Variants in CADM1 observed in about 807,000 individuals in gnomAD.
CADM1 encodes cell adhesion molecule 1, also known as TSLC-1.
Under a neutral mutation model 53.1 loss-of-function variants are expected in CADM1, and 15 were observed. The observed-to-expected ratio is 0.28, with a 90% CI of 0.19 to 0.44. The LOEUF (loss-of-function observed/expected upper bound fraction) is 0.44, where lower values mean the gene tolerates loss of function less well. Ranked by LOEUF, CADM1 falls within the 20% of genes least tolerant of loss-of-function variation. CADM1 has a pLI of 1.00. For missense variants in CADM1, 434 were observed against 611.3 expected (o/e 0.71, Z 3.06); for synonymous variants, 281 against 243.0 (o/e 1.16, Z -1.45).
intron 9 of CADM1, among the ~76,000 whole-genome samples, chr11:115,191,804 G>A (rs1395753249): frequency 6.6e-6 from 1 of 152,176 alleles, no homozygotes; most frequent in Non-Finnish European, 1.5e-5. Flanking sequence ...GGCTTTACTT[G>A]TTCTTTGCTG....
intron 1 of CADM1, among the ~76,000 whole-genome samples, chr11:115,409,653 C>T (rs942723686): frequency 1.3e-5 from 2 of 151,662 alleles, no homozygotes; most frequent in Admixed American, 1.3e-4. Context: ...AAATAATCCA[C>T]GGAGAATGCA....
intron 1 of CADM1, among the ~76,000 whole-genome samples, chr11:115,500,342 C>A (rs1565457443): frequency 6.6e-6 from 1 of 152,168 alleles, no homozygotes; most frequent in Non-Finnish European, 1.5e-5. Context: ...AATGTAAATT[C>A]TAAGTGACCA....
intron 1 of CADM1, among the ~76,000 whole-genome samples, chr11:115,474,054 C>T (rs1021440429): frequency 2.0e-5 from 3 of 151,572 alleles, no homozygotes; most frequent in Admixed American, 6.6e-5. Context: ...CAGCACTTTG[C>T]GAGGCCGAGG....
intron 1 of CADM1, among the ~76,000 whole-genome samples, chr11:115,328,692 GTATATATATGTA>G (rs1431990266): frequency 0.013 from 235 of 17,512 alleles, 27 homozygotes; most frequent in African/African-American, 0.059. Flanking sequence ...ATATATATGT[GTATATATATGTA>G]TATATATATG....
intron 1 of CADM1, among the ~76,000 whole-genome samples, chr11:115,326,757 G>T (rs1944969779): frequency 6.6e-6 from 1 of 152,094 alleles, no homozygotes. Flanking sequence ...ACATATTAGA[G>T]CTTGGCAACC....
chr11:115,412,393 G>A (rs1463700617), intron 1 of CADM1, among the ~76,000 whole-genome samples: 1 of 152,084 alleles, frequency 6.6e-6, no homozygotes, highest in Non-Finnish European at 1.5e-5. Flanking sequence ...ATAGGATCTT[G>A]CTATGTTGCC....
At chr11:115,249,600 A>G (rs1369028206) in intron 1 of CADM1, among the ~76,000 whole-genome samples, 1 of 152,248 alleles carries the variant, frequency 6.6e-6, no homozygotes, top group Non-Finnish European at 1.5e-5. Context: ...AAAACCACAA[A>G]GGAAGATACA....
intron 1 of CADM1, among the ~76,000 whole-genome samples, chr11:115,280,020 C>T (rs1242575187): frequency 6.6e-6 from 1 of 152,196 alleles, no homozygotes; most frequent in Admixed American, 6.5e-5. Flanking sequence ...GCAATGCATG[C>T]TAACATCAAG....
chr11:115,176,384 C>A lies in CADM1; in HGVS notation c.*90G>T, dbSNP rs1939030097. On this transcript the variant is annotated 3_prime_UTR_variant, in exon 12 of 12. Transcript: ENST00000331581. Reference sequence around the variant, plus strand: ...ACCTTTCCACCCATTCATAAAAAAACACACGAATTTCTCGCAAGTTCCAAT... The same window carrying A: ...ACCTTTCCACCCATTCATAAAAAAAAACACGAATTTCTCGCAAGTTCCAAT... 5.1e-6 allele frequency: 8 copies of A among 1,581,416 alleles called. No individual in the cohort carries two copies. The highest frequency in any genetic ancestry group is 6.0e-6 in the Non-Finnish European group (7 of 1,159,646).
At chr11:115,203,165 C>T (rs1364225645) in intron 8 of CADM1, among the ~76,000 whole-genome samples, 1 of 151,838 alleles carries the variant, frequency 6.6e-6, no homozygotes, top group Non-Finnish European at 1.5e-5. Flanking sequence ...TTTGGATAAG[C>T]AATTTCAAGT....
intron 1 of CADM1, among the ~76,000 whole-genome samples, chr11:115,299,196 C>G (rs1434323651): frequency 6.6e-5 from 10 of 152,162 alleles, no homozygotes; most frequent in African/African-American, 2.4e-4. Context: ...TGGGCATAGA[C>G]TGGGAAGACA....
chr11:115,494,740 T>C (rs1007377684), intron 1 of CADM1, among the ~76,000 whole-genome samples: 2 of 152,196 alleles, frequency 1.3e-5, no homozygotes, highest in African/African-American at 4.8e-5. Flanking sequence ...CACTAGGTAT[T>C]GCTGTTTTAA....
intron 2 of CADM1, 61 bp from the exon 3 acceptor site, chr11:115,238,713 T>C (rs1278270619): frequency 6.5e-7 from 1 of 1,537,500 alleles, no homozygotes; most frequent in Non-Finnish European, 9.0e-7. Flanking sequence ...CTATTTTCCT[T>C]AATTATTTAT....
At chr11:115,416,950 G>A (rs1947614608) in intron 1 of CADM1, among the ~76,000 whole-genome samples, 1 of 152,176 alleles carries the variant, frequency 6.6e-6, no homozygotes. Flanking sequence ...AACCAATACA[G>A]TAAAAGCATT....
chr11:115,314,672 T>C (rs1350280965), intron 1 of CADM1, among the ~76,000 whole-genome samples: 1 of 152,166 alleles, frequency 6.6e-6, no homozygotes, highest in Admixed American at 6.5e-5. Flanking sequence ...ATTTCTGTGC[T>C]CAGACACTCT....
intron 1 of CADM1, among the ~76,000 whole-genome samples, chr11:115,368,048 T>C (rs1007346826): frequency 6.6e-5 from 10 of 151,628 alleles, no homozygotes; most frequent in Non-Finnish European, 1.5e-5. Context: ...CCTTGTTTTC[T>C]TTCCTCTCAC....
At chr11:115,471,819 G>C (rs1458180428) in intron 1 of CADM1, among the ~76,000 whole-genome samples, 1 of 152,170 alleles carries the variant, frequency 6.6e-6, no homozygotes, top group East Asian at 1.9e-4. Context: ...AGATAGTGGG[G>C]GAGAAGGAAG....
chr11:115,389,595 TG>T (rs1252415543), intron 1 of CADM1, among the ~76,000 whole-genome samples: 1 of 152,128 alleles, frequency 6.6e-6, no homozygotes, highest in African/African-American at 2.4e-5. Flanking sequence ...TGAAAACACA[TG>T]ACATGATATT....
rs574658658 is a variant in CADM1, at chr11:115,331,643, C to T, written c.125-91223G>A. Reference sequence around the variant, plus strand: ...ATCACTCATGGCTTAGAAGAAAAAGCATTCACACAGTCCAGTTCCTAACTC... The same window carrying T: ...ATCACTCATGGCTTAGAAGAAAAAGTATTCACACAGTCCAGTTCCTAACTC... On this transcript the variant is annotated intron_variant, in intron 1 of 11. Transcript: ENST00000331581. 2.0e-5 allele frequency among the ~76,000 whole-genome samples: 3 copies of T among 152,184 alleles called. No individual in the cohort carries two copies. The South Asian group carries it at 6.2e-4, about 32-fold the overall frequency.
Sources: gnomAD v4.1 joint callset for allele counts (sites outside exome capture counted in the v4.1 genomes callset) on GRCh38, gnomAD v4.1.1 for gene constraint, MANE v1.5 for transcripts, NCBI Gene and HGNC (gene_info 2026-07-23, HGNC 2026-07-21) for gene names.